EDIL3: variants seen among roughly 807,000 people sequenced by gnomAD.
EDIL3 encodes the protein EGF-like repeat and discoidin I-like domain-containing protein 3.
EDIL3 carries 37 observed loss-of-function variants against 67.4 expected under a neutral mutation model. The observed-to-expected ratio is 0.55, with a 90% CI of 0.42 to 0.72. The LOEUF (loss-of-function observed/expected upper bound fraction) is 0.72. Ranked by LOEUF, EDIL3 falls within the 30% of genes least tolerant of loss-of-function variation. The pLI is 0.00. For synonymous variants in EDIL3, 195 were observed against 196.3 expected (o/e 0.99, Z 0.05); for missense variants, 527 against 586.3 (o/e 0.90, Z 1.04).
intron 1 of EDIL3, among the ~76,000 whole-genome samples, chr5:84,255,983 T>C (rs1341242003): frequency 6.6e-6 from 1 of 152,202 alleles, no homozygotes; most frequent in Non-Finnish European, 1.5e-5. Context: ...TCTAACATTT[T>C]TAACATGTAT....
chr5:84,017,889 C>T (rs1745637991), intron 9 of EDIL3, among the ~76,000 whole-genome samples: 2 of 152,058 alleles, frequency 1.3e-5, no homozygotes, highest in South Asian at 4.1e-4. Context: ...ATTCTGTCTT[C>T]TGTTAATATT....
intron 1 of EDIL3, among the ~76,000 whole-genome samples, chr5:84,308,566 GGAA>G (rs1363327547): frequency 6.6e-6 from 1 of 151,988 alleles, no homozygotes; most frequent in Non-Finnish European, 1.5e-5. Context: ...AATTTCATTT[GGAA>G]GAATTGTTAT....
At chr5:84,153,555 C>T (rs1394037771) in intron 4 of EDIL3, among the ~76,000 whole-genome samples, 2 of 151,674 alleles carry the variant, frequency 1.3e-5, no homozygotes, top group African/African-American at 2.4e-5. Flanking sequence ...CCTGACCTCC[C>T]AGGTTCAAGC....
At chr5:84,102,285 C>G (rs1298712034) in intron 6 of EDIL3, among the ~76,000 whole-genome samples, 1 of 152,032 alleles carries the variant, frequency 6.6e-6, no homozygotes, top group Non-Finnish European at 1.5e-5. Context: ...CTCATCACTC[C>G]TATTCAACAT....
At chr5:84,293,290 A>C (rs989067528) in intron 1 of EDIL3, among the ~76,000 whole-genome samples, 2 of 152,220 alleles carry the variant, frequency 1.3e-5, no homozygotes, top group African/African-American at 4.8e-5. Flanking sequence ...TAATTAATTT[A>C]ATTTTCCTAA....
chr5:84,316,134 C>T lies in EDIL3; in HGVS notation c.68-61922G>A, dbSNP rs534546129. 2.6e-5 allele frequency among the ~76,000 whole-genome samples: 4 copies of T among 152,276 alleles called. No individual in the cohort carries two copies. The South Asian group carries it at 8.3e-4, about 32-fold the overall frequency. ...AGCACTAAACATGAAAAGATACAACCAGTACCATCCACGACAAAAACATGC... is the reference window on the plus strand; with the variant it reads ...AGCACTAAACATGAAAAGATACAACTAGTACCATCCACGACAAAAACATGC... On this transcript the variant is annotated intron_variant, in intron 1 of 10. Coordinates refer to ENST00000296591, the MANE Select transcript of EDIL3 (RefSeq NM_005711.5).
At chr5:84,259,817 G>T (rs1334230488) in intron 1 of EDIL3, among the ~76,000 whole-genome samples, 1 of 152,064 alleles carries the variant, frequency 6.6e-6, no homozygotes, top group African/African-American at 2.4e-5. Flanking sequence ...CAACAGCAAA[G>T]TGTGTGAGCA....
chr5:84,254,006 T>C, intron 2 of EDIL3, 78 bp downstream of exon 2: 1 of 1,455,220 alleles, frequency 6.9e-7, no homozygotes, highest in Non-Finnish European at 9.2e-7. Context: ...CTAATCTCCA[T>C]AATGCACCAC....
At chr5:84,000,566 A>C (rs1239439648) in intron 9 of EDIL3, among the ~76,000 whole-genome samples, 1 of 150,908 alleles carries the variant, frequency 6.6e-6, no homozygotes, top group Non-Finnish European at 1.5e-5. Flanking sequence ...AAACACCTAC[A>C]AAAAAAAAGA....
At chr5:84,080,569 T>C (rs1196551907) in intron 6 of EDIL3, among the ~76,000 whole-genome samples, 4 of 151,990 alleles carry the variant, frequency 2.6e-5, no homozygotes, top group African/African-American at 9.6e-5. Flanking sequence ...TGATTGTTAT[T>C]CTACTTATGT....
chr5:84,084,071 T>C (rs1429118977), intron 6 of EDIL3, among the ~76,000 whole-genome samples: 2 of 152,150 alleles, frequency 1.3e-5, no homozygotes, highest in Non-Finnish European at 2.9e-5. Flanking sequence ...CTTAATAAGG[T>C]AGGAATATAC....
intron 4 of EDIL3, among the ~76,000 whole-genome samples, chr5:84,165,582 A>C (rs1168880973): frequency 6.6e-6 from 1 of 152,120 alleles, no homozygotes; most frequent in Non-Finnish European, 1.5e-5. Flanking sequence ...GTAGCTGACA[A>C]TGGACTAAAG....
intron 9 of EDIL3, among the ~76,000 whole-genome samples, chr5:84,015,272 C>A (rs1745582485): frequency 6.6e-6 from 1 of 152,126 alleles, no homozygotes; most frequent in South Asian, 2.1e-4. Flanking sequence ...TACCTTAGAA[C>A]TGATTAAATG....
At chr5:84,297,361 AT>A (rs1030313766) in intron 1 of EDIL3, among the ~76,000 whole-genome samples, 1 of 152,172 alleles carries the variant, frequency 6.6e-6, no homozygotes, top group African/African-American at 2.4e-5. Context: ...AATGACAATT[AT>A]AAAAAATTTC....
intron 1 of EDIL3, among the ~76,000 whole-genome samples, chr5:84,294,192 G>C (rs1745989385): frequency 1.3e-5 from 2 of 151,688 alleles, no homozygotes; most frequent in South Asian, 4.2e-4. Flanking sequence ...GACCATCCTG[G>C]CTAACATGGT....
chr5:84,308,978 T>C (rs899320408), intron 1 of EDIL3, among the ~76,000 whole-genome samples: 6 of 152,178 alleles, frequency 3.9e-5, no homozygotes, highest in African/African-American at 1.2e-4. Context: ...TTACAGGATA[T>C]ATTAAAGGAT....
chr5:83,943,053 T>C lies in EDIL3; in HGVS notation c.*366A>G, dbSNP rs759748326. 6.2e-5 allele frequency: 14 copies of C among 227,512 alleles called. No individual in the cohort carries two copies. Among genetic ancestry groups the C allele is most frequent in the Non-Finnish European group, 9.6e-5 (11 of 114,096 alleles). The allele number at this position is 227,512 out of a possible 1,614,324, so 14.1% of individuals were successfully genotyped here. ...AGGTGAGTATTGATTGTAAAAGCTC[T>C]ATCAACTCTTGCTCTTATTTGATGA... On this transcript the variant is annotated 3_prime_UTR_variant, in exon 11 of 11. Coordinates refer to ENST00000296591, the MANE Select transcript of EDIL3 (RefSeq NM_005711.5).
chr5:84,264,081 A>G (rs1476508123), intron 1 of EDIL3, among the ~76,000 whole-genome samples: 1 of 152,080 alleles, frequency 6.6e-6, no homozygotes, highest in East Asian at 1.9e-4. Flanking sequence ...TTAGAGGTAT[A>G]CTAAAAATGC....
In EDIL3 at chr5:83,963,358, C is replaced by T; in HGVS notation, c.1140G>A (p.Val380=). The T allele has an allele frequency of 6.3e-7, 1 of 1,589,542 alleles. No homozygotes were observed. Among genetic ancestry groups the T allele is most frequent in the East Asian group, 2.3e-5 (1 of 44,234 alleles). ...GHNDQSQWLQ[V]DLLVPTKVTG... Reference sequence around the variant, plus strand: ...TCACTTTGGTTGGAACAAGAAGATCCACCTTAAAAAAAAGAAAAATACAGG... The same window carrying T: ...TCACTTTGGTTGGAACAAGAAGATCTACCTTAAAAAAAAGAAAAATACAGG... Residue 380 remains valine (V), a splice_region_variant and synonymous_variant, in exon 10 of 11, where the codon GTG becomes GTA. Coordinates refer to ENST00000296591, the MANE Select transcript of EDIL3 (RefSeq NM_005711.5).
Sources: allele counts gnomAD v4.1 joint callset (sites outside exome capture counted in the v4.1 genomes callset), GRCh38; gene constraint gnomAD v4.1.1; transcripts MANE v1.5; gene names NCBI Gene and HGNC (gene_info 2026-07-23, HGNC 2026-07-21).